The following TMEM181 variants were observed in gnomAD, a reference collection of about 807,000 sequenced individuals.
The protein encoded by TMEM181 is transmembrane protein 181, also known as G protein-coupled receptor 178.
TMEM181 carries 39 observed loss-of-function variants against 71.9 expected under a neutral mutation model. The observed-to-expected ratio is 0.54, with a 90% CI of 0.42 to 0.71. The LOEUF (loss-of-function observed/expected upper bound fraction) is 0.71. TMEM181 is among the 30% of genes least tolerant of loss of function. The pLI, the probability that TMEM181 is intolerant of heterozygous loss-of-function variation, is 0.00. For synonymous variants in TMEM181, 245 were observed against 228.8 expected, an observed-to-expected ratio of 1.07 and a Z score of -0.64; for missense variants, 595 against 583.0, an observed-to-expected ratio of 1.02 and a Z score of -0.21.
At chr6:158,547,910 AAAAG>A (rs1490945559) in intron 1 of TMEM181, among the ~76,000 whole-genome samples, 58 of 151,262 alleles carry the variant, frequency 3.8e-4, no homozygotes, top group African/African-American at 1.3e-3. Flanking sequence ...AAAAAAAAAA[AAAAG>A]AGTCCTGACA....
At chr6:158,546,466 C>T (rs1226564507) in intron 1 of TMEM181, among the ~76,000 whole-genome samples, 1 of 152,100 alleles carries the variant, frequency 6.6e-6, no homozygotes, top group Non-Finnish European at 1.5e-5. Flanking sequence ...GACCAAAGGG[C>T]AAAAATAGAA....
chr6:158,601,178 G>A (rs965696834), intron 6 of TMEM181, among the ~76,000 whole-genome samples: 1 of 152,150 alleles, frequency 6.6e-6, no homozygotes. Flanking sequence ...TGGGTTTATA[G>A]TAGTAACTAT....
At chr6:158,544,828 CTT>C (rs149153553) in intron 1 of TMEM181, among the ~76,000 whole-genome samples, 1 of 152,330 alleles carries the variant, frequency 6.6e-6, no homozygotes, top group East Asian at 1.9e-4. Flanking sequence ...TGTAGTCCCT[CTT>C]TTCCTATCCC....
intron 1 of TMEM181, among the ~76,000 whole-genome samples, chr6:158,537,589 A>G (rs1352465214): frequency 6.6e-6 from 1 of 152,148 alleles, no homozygotes; most frequent in Admixed American, 6.5e-5. Context: ...GTTCACCGCC[A>G]ATGGCCGATT....
chr6:158,544,895 A>G (rs766620968), intron 1 of TMEM181, among the ~76,000 whole-genome samples: 31 of 152,236 alleles, frequency 2.0e-4, no homozygotes, highest in African/African-American at 6.8e-4. Flanking sequence ...AAAAAATTAA[A>G]TTACCCTAAA....
rs34148643 is a variant in TMEM181, at chr6:158,547,887, C to CAA, written c.131+11047_131+11048dup. On this transcript the variant is annotated intron_variant, in intron 1 of 16. Transcript: ENST00000367090. Reference sequence around the variant, plus strand: ...GGGCAACAAGAGCAAAACTCTGTCTCAAAAAAAAAAAAAAAAAAAAAAAAA... The same window carrying CAA: ...GGGCAACAAGAGCAAAACTCTGTCTCAAAAAAAAAAAAAAAAAAAAAAAAAAA... Among the ~76,000 whole-genome samples the CAA allele has an allele frequency of 5.8e-4, 33 of 57,034 alleles. 1 individual carries two copies. The East Asian group carries it at 0.01, about 18-fold the overall frequency. The allele number at this position is 57,034 out of a possible 152,430, so 37.4% of individuals were successfully genotyped here.
intron 6 of TMEM181, among the ~76,000 whole-genome samples, chr6:158,590,066 C>T (rs925452522): frequency 1.3e-5 from 2 of 152,198 alleles, no homozygotes; most frequent in African/African-American, 2.4e-5. Flanking sequence ...GCAGACACAG[C>T]ACCCCCTTCT....
intron 1 of TMEM181, among the ~76,000 whole-genome samples, chr6:158,570,289 G>A (rs1441699421): frequency 1.3e-5 from 2 of 150,728 alleles, no homozygotes; most frequent in African/African-American, 4.9e-5. Context: ...CTGGGGTGCA[G>A]TGGTGCAATC....
At chr6:158,621,981 C>A (rs1785987538) in intron 10 of TMEM181, among the ~76,000 whole-genome samples, 1 of 152,198 alleles carries the variant, frequency 6.6e-6, no homozygotes, top group Non-Finnish European at 1.5e-5. Context: ...GGAAGGGGCC[C>A]AAGCGCCCCT....
intron 14 of TMEM181, 103 bp from the exon 15 acceptor site, chr6:158,629,627 G>A (rs1471697553): frequency 4.1e-6 from 4 of 980,304 alleles, no homozygotes; most frequent in Non-Finnish European, 4.6e-6. Flanking sequence ...GCGGGTGCTT[G>A]GCACTAGAAG....
intron 1 of TMEM181, among the ~76,000 whole-genome samples, chr6:158,543,230 G>T (rs915004148): frequency 6.6e-6 from 1 of 152,128 alleles, no homozygotes. Flanking sequence ...AAAAAATAAA[G>T]ATATAATTTC....
At chr6:158,617,451 AG>A (rs1488093986) in intron 10 of TMEM181, among the ~76,000 whole-genome samples, 7 of 142,922 alleles carry the variant, frequency 4.9e-5, no homozygotes, top group Admixed American at 1.5e-4. Context: ...ATTTTTTTGA[AG>A]GGTTTTTTTT....
chr6:158,552,910 C>T (rs1781762665), intron 1 of TMEM181, among the ~76,000 whole-genome samples: 1 of 152,162 alleles, frequency 6.6e-6, no homozygotes, highest in South Asian at 2.1e-4. Flanking sequence ...AAACTGTCAG[C>T]CAGGCACAGG....
chr6:158,623,672 T>A (rs1786104920), intron 11 of TMEM181, 65 bp downstream of exon 11: 1 of 1,205,676 alleles, frequency 8.3e-7, no homozygotes, highest in African/African-American at 1.5e-5. Flanking sequence ...TTACTGAATT[T>A]TGTGACTTAA....
intron 11 of TMEM181, among the ~76,000 whole-genome samples, chr6:158,624,787 G>C (rs4709238): frequency 6.6e-6 from 1 of 152,078 alleles, no homozygotes; most frequent in African/African-American, 2.4e-5. Context: ...TCGCCCCCAG[G>C]GGCGAGAGAG....
chr6:158,561,022 G>A (rs1433890215), intron 1 of TMEM181, among the ~76,000 whole-genome samples: 1 of 152,166 alleles, frequency 6.6e-6, no homozygotes, highest in Non-Finnish European at 1.5e-5. Context: ...AGAAGGAGTG[G>A]CCCATATGTG....
At chr6:158,583,239 A>G (rs1783578249) in intron 3 of TMEM181, among the ~76,000 whole-genome samples, 1 of 152,310 alleles carries the variant, frequency 6.6e-6, no homozygotes, top group African/African-American at 2.4e-5. Context: ...GTCTCAAAAA[A>G]TAATAATTCT....
chr6:158,608,180 C>T (rs560794553), intron 8 of TMEM181, among the ~76,000 whole-genome samples, 153 bp from the exon 9 acceptor site: 60 of 151,748 alleles, frequency 4.0e-4, no homozygotes, highest in African/African-American at 1.3e-3. Flanking sequence ...GTGCTGACCC[C>T]GCACAGGTAT....
chr6:158,627,580 TG>T (rs1786391318), intron 13 of TMEM181, among the ~76,000 whole-genome samples: 1 of 150,558 alleles, frequency 6.6e-6, no homozygotes, highest in African/African-American at 2.4e-5. Flanking sequence ...CTGAAAGCTG[TG>T]GGGTGGCTGC....
Sources: gnomAD v4.1 joint callset for allele counts (sites outside exome capture counted in the v4.1 genomes callset) on GRCh38, gnomAD v4.1.1 for gene constraint, MANE v1.5 for transcripts, NCBI Gene and HGNC (gene_info 2026-07-23, HGNC 2026-07-21) for gene names.